Variants in ZNF280D observed in about 807,000 individuals in gnomAD.
ZNF280D encodes the protein zinc finger protein 280D.
In ZNF280D, 39 loss-of-function variants were observed where a neutral mutation model predicts 94.7. The ratio of observed to expected loss-of-function variants is 0.41; its 90% CI spans 0.32 to 0.54. The LOEUF (loss-of-function observed/expected upper bound fraction) is 0.54, where lower values mean the gene tolerates loss of function less well. Among genes scored for constraint, ZNF280D ranks in the 20% least tolerant of loss-of-function variants. ZNF280D has a pLI of 0.22. For missense variants in ZNF280D, 1,090 were observed against 1,149.3 expected (o/e 0.95, Z 0.75); for synonymous variants, 398 against 377.6 (o/e 1.05, Z -0.63).
At chr15:56,645,483 C>T (rs1189789851) in intron 19 of ZNF280D, 2 of 152,180 alleles carry the variant, frequency 1.3e-5, no homozygotes, top group East Asian at 3.9e-4. Flanking sequence ...AAGCTTTTCC[C>T]TCTAAAGACT....
Position 56,707,295 on chromosome 15 carries a change from C to T in ZNF280D, c.-74G>A. The T allele has an allele frequency of 2.6e-6, 4 of 1,531,650 alleles. No homozygotes were observed. The highest frequency in any genetic ancestry group is 3.5e-6 in the Non-Finnish European group (4 of 1,143,014). The allele number at this position is 1,531,650 out of a possible 1,614,324, so 94.9% of individuals were successfully genotyped here. A position where few individuals can be genotyped will look rare whatever the true frequency, so the allele number is the denominator to read the frequency against. On this transcript the variant is annotated 5_prime_UTR_variant, in exon 2 of 22. Coordinates refer to ENST00000267807, the MANE Select transcript of ZNF280D (RefSeq NM_017661.4). ...CTCCAGACAAGCCAGCAAGTTATTT[C>T]TGTTTTCCTTCCTATAAAATAAAGA... is the stretch of plus-strand genomic sequence containing the variant.
chr15:56,670,938 T>C (rs1038493781), intron 13 of ZNF280D, among the ~76,000 whole-genome samples: 1 of 152,092 alleles, frequency 6.6e-6, no homozygotes, highest in Admixed American at 6.6e-5. Context: ...ATCAGTGATG[T>C]TGAGTTTTTT....
chr15:56,692,388 T>C (rs1442624561), intron 7 of ZNF280D, among the ~76,000 whole-genome samples: 1 of 152,090 alleles, frequency 6.6e-6, no homozygotes, highest in Non-Finnish European at 1.5e-5. Context: ...TATACGTCTG[T>C]TTAGTCAAAT....
chr15:56,678,917 A>T (rs1442904322), intron 10 of ZNF280D, 96 bp from the exon 11 acceptor site: 2 of 1,188,418 alleles, frequency 1.7e-6, no homozygotes, highest in South Asian at 4.7e-5. Context: ...AAAAATATAG[A>T]TGTATTACTC....
intron 19 of ZNF280D, among the ~76,000 whole-genome samples, chr15:56,644,259 T>G (rs1325163158): frequency 6.6e-6 from 1 of 152,080 alleles, no homozygotes; most frequent in African/African-American, 2.4e-5. Context: ...TTTTGGGGGT[T>G]AAAGATTTTG....
chr15:56,725,606 T>C (rs536248192), intron 1 of ZNF280D, among the ~76,000 whole-genome samples: 8 of 152,256 alleles, frequency 5.3e-5, no homozygotes, highest in Admixed American at 1.3e-4. Flanking sequence ...AGGAAAAGTA[T>C]GTGGTAAAGG....
intron 16 of ZNF280D, among the ~76,000 whole-genome samples, chr15:56,662,520 T>C (rs535585114): frequency 3.3e-5 from 5 of 151,828 alleles, no homozygotes; most frequent in Non-Finnish European, 5.9e-5. Context: ...CAAACACAAA[T>C]AAATACAATA....
intron 1 of ZNF280D, 75 bp downstream of exon 1, chr15:56,733,383 T>G (rs1407854857): frequency 1.3e-5 from 11 of 878,212 alleles, no homozygotes; most frequent in African/African-American, 1.8e-5. Flanking sequence ...GCCCCCGGAG[T>G]GAGGCGGCGC....
intron 7 of ZNF280D, among the ~76,000 whole-genome samples, 172 bp from the exon 8 acceptor site, chr15:56,689,642 A>G (rs938530832): frequency 6.6e-6 from 1 of 152,156 alleles, no homozygotes; most frequent in Non-Finnish European, 1.5e-5. Flanking sequence ...GAAATTGCAC[A>G]TATATTTATC....
intron 13 of ZNF280D, among the ~76,000 whole-genome samples, chr15:56,675,090 A>G (rs1414811121): frequency 1.3e-5 from 2 of 152,014 alleles, no homozygotes; most frequent in African/African-American, 4.8e-5. Flanking sequence ...ACTGCTGGCT[A>G]TCTACCTCCC....
At chr15:56,698,505 T>C (rs2056879056) in intron 6 of ZNF280D, 2 of 152,146 alleles carry the variant, frequency 1.3e-5, no homozygotes, top group South Asian at 2.1e-4. Context: ...ACAATCAAGA[T>C]TGACTAAGCG....
intron 16 of ZNF280D, among the ~76,000 whole-genome samples, chr15:56,659,005 C>G (rs537034813): frequency 1.3e-5 from 2 of 151,552 alleles, no homozygotes; most frequent in South Asian, 4.2e-4. Flanking sequence ...TTACAGTGTT[C>G]CTTGTAATTA....
In ZNF280D at chr15:56,710,708, T is replaced by C. The variant is rs192007573; in HGVS notation, c.-85-3402A>G. On this transcript the variant is annotated intron_variant, in intron 1 of 21. Coordinates refer to ENST00000267807, the MANE Select transcript of ZNF280D (RefSeq NM_017661.4). ...GAAATGTGGGTCTAAGTGTTTTAAC[T>C]ATCTGAAATTTTCACTTTCATCCAT... Among the ~76,000 whole-genome samples, 70 of 152,312 alleles carry C rather than the reference T, an allele frequency of 4.6e-4. 1 individual carries two copies. The highest frequency in any genetic ancestry group is 2.7e-3 in the Admixed American group (41 of 15,296).
chr15:56,636,664 A>C (rs1360613471), intron 20 of ZNF280D, among the ~76,000 whole-genome samples: 1 of 151,920 alleles, frequency 6.6e-6, no homozygotes, highest in Non-Finnish European at 1.5e-5. Flanking sequence ...TTGTATTTTT[A>C]GTACAGACGG....
rs77533982 is a variant in ZNF280D at position 56,660,931 on chromosome 15, C to A, written c.1995-2445G>T. ...ATTAGACTAGAGGCCGATGATACAA[C>A]AACAAAGGCAAGCTGCCTGCCCTAG... On this transcript the variant is annotated intron_variant, in intron 16 of 21. Coordinates refer to ENST00000267807, the MANE Select transcript of ZNF280D (RefSeq NM_017661.4). 9.6e-3 allele frequency among the ~76,000 whole-genome samples: 1,454 copies of A among 151,356 alleles called. 23 individuals are homozygous for A. Among genetic ancestry groups the A allele is most frequent in the African/African-American group, 0.033 (1,342 of 41,160 alleles).
At chr15:56,692,876 T>C (rs1194065115) in intron 7 of ZNF280D, among the ~76,000 whole-genome samples, 5 of 152,134 alleles carry the variant, frequency 3.3e-5, no homozygotes, top group East Asian at 1.9e-4. Flanking sequence ...TAGTTCAAAG[T>C]TGGTTAGCTT....
At chr15:56,725,537 G>A (rs1178982635) in intron 1 of ZNF280D, among the ~76,000 whole-genome samples, 2 of 151,788 alleles carry the variant, frequency 1.3e-5, no homozygotes, top group Non-Finnish European at 2.9e-5. Flanking sequence ...ATTCTCTTAC[G>A]ACCTTCTGCA....
At chr15:56,678,039 G>A (rs1218481302) in intron 11 of ZNF280D, among the ~76,000 whole-genome samples, 1 of 133,806 alleles carries the variant, frequency 7.5e-6, no homozygotes, top group African/African-American at 2.8e-5. Flanking sequence ...ACAGTATCTT[G>A]CTCTGTCACC....
At position 56,666,691 on chromosome 15, in the gene ZNF280D, A is replaced by G. The variant is rs1275148882; in HGVS notation, c.1841T>C (p.Leu614Ser). The change falls in exon 15 of 22, where the codon TTG becomes TCG. Residue 614 changes from leucine (L) to serine (S), a missense_variant. Transcript: ENST00000267807. ...AATAAAAGATTACCTTAAATTCCTC[A>G]ATGCTGTATTGACTTTACTTTTTTT... Reference protein sequence around the residue: ...SNKKSKVNTALRNLRYRRGIH... With the variant: ...SNKKSKVNTASRNLRYRRGIH... 6.3e-7 allele frequency: 1 copy of G among 1,598,018 alleles called. No homozygotes were observed. Among genetic ancestry groups the G allele is most frequent in the Non-Finnish European group, 8.5e-7 (1 of 1,175,426 alleles).
Sources: allele counts gnomAD v4.1 joint callset (sites outside exome capture counted in the v4.1 genomes callset), GRCh38; gene constraint gnomAD v4.1.1; transcripts MANE v1.5; gene names NCBI Gene and HGNC (gene_info 2026-07-23, HGNC 2026-07-21).